Variants in ZFAND3 observed in about 807,000 individuals in gnomAD.
ZFAND3 encodes the protein zinc finger AN1-type containing 3.
Under a neutral mutation model 29.6 loss-of-function variants are expected in ZFAND3, and 10 were observed. That is an observed-to-expected ratio of 0.34 (90% CI 0.21 to 0.57). The LOEUF is 0.57. ZFAND3 is among the 20% of genes least tolerant of loss of function. ZFAND3 has a pLI of 0.86. For synonymous variants in ZFAND3, 128 were observed against 112.6 expected, an observed-to-expected ratio of 1.14 and a Z score of -0.87; for missense variants, 230 against 304.5, an observed-to-expected ratio of 0.76 and a Z score of 1.82.
intron 2 of ZFAND3, among the ~76,000 whole-genome samples, chr6:38,025,126 A>G (rs1288257042): frequency 6.6e-6 from 1 of 152,218 alleles, no homozygotes; most frequent in Non-Finnish European, 1.5e-5. Flanking sequence ...TCCATTCATT[A>G]CATTCCTTTG....
chr6:37,880,685 GTAT>G (rs1024527246), intron 1 of ZFAND3, among the ~76,000 whole-genome samples: 4 of 151,940 alleles, frequency 2.6e-5, no homozygotes, highest in African/African-American at 9.7e-5. Flanking sequence ...ATAATGGAAA[GTAT>G]TTTTTTTTTA....
intron 1 of ZFAND3, among the ~76,000 whole-genome samples, chr6:37,909,276 CTT>C (rs142698620): frequency 1.0e-4 from 14 of 139,890 alleles, no homozygotes; most frequent in African/African-American, 2.7e-4. Context: ...TTCTTTTTTT[CTT>C]TTTTTTTTTT....
At chr6:38,111,525 C>T (rs1427783369) in intron 4 of ZFAND3, among the ~76,000 whole-genome samples, 5 of 152,196 alleles carry the variant, frequency 3.3e-5, no homozygotes, top group Non-Finnish European at 5.9e-5. Context: ...AGACCAGCCC[C>T]CCACTCCTCC....
chr6:37,866,718 T>C (rs1273522507), intron 1 of ZFAND3, among the ~76,000 whole-genome samples: 1 of 152,046 alleles, frequency 6.6e-6, no homozygotes, highest in Non-Finnish European at 1.5e-5. Context: ...TGTAGTGTAT[T>C]ATCCAGTGAC....
intron 2 of ZFAND3, among the ~76,000 whole-genome samples, chr6:37,977,411 C>T (rs929513743): frequency 3.3e-5 from 5 of 152,310 alleles, no homozygotes; most frequent in Admixed American, 6.5e-5. Context: ...AAGTGATTCT[C>T]GTGCGTTAGC....
At position 38,129,945 on chromosome 6, in the gene ZFAND3, C is replaced by G. The variant is rs185755799; in HGVS notation, c.529+13206C>G. Among the ~76,000 whole-genome samples, 6 of 152,200 alleles carry G rather than the reference C, an allele frequency of 3.9e-5. No individual in the cohort carries two copies. In the East Asian group the frequency reaches 1.2e-3, roughly 29 times the overall value. On this transcript the variant is annotated intron_variant, in intron 5 of 5. Transcript: ENST00000287218. ...TTTTCACAATATTGATTCTACCCAT[C>G]CATGAGCATGGGATGTGTTTCCATT...
At chr6:38,124,379 G>A (rs1249467422) in intron 5 of ZFAND3, among the ~76,000 whole-genome samples, 1 of 152,228 alleles carries the variant, frequency 6.6e-6, no homozygotes, top group Non-Finnish European at 1.5e-5. Flanking sequence ...GGAGCAGGGG[G>A]CGGCGCTCCT....
intron 1 of ZFAND3, among the ~76,000 whole-genome samples, chr6:37,913,708 CTTT>C (rs56045448): frequency 1.1e-4 from 12 of 113,024 alleles, no homozygotes; most frequent in African/African-American, 1.3e-4. Context: ...CAGCTATATT[CTTT>C]TTTTTTTTTT....
chr6:38,152,953 T>C lies in ZFAND3; in HGVS notation c.*564T>C. On this transcript the variant is annotated 3_prime_UTR_variant, in exon 6 of 6. Coordinates refer to ENST00000287218, the MANE Select transcript of ZFAND3 (RefSeq NM_021943.3). ...CCTCACTCTCCCACAGAGCTGGAAA[T>C]GGGGGGTGGGGGACAGATTCTTACG... 3.0e-6 allele frequency: 3 copies of C among 985,746 alleles called. No individual in the cohort carries two copies. Among genetic ancestry groups the C allele is most frequent in the Non-Finnish European group, 3.6e-6 (3 of 829,922 alleles). The allele number at this position is 985,746 out of a possible 1,614,324, so 61.1% of individuals were successfully genotyped here.
chr6:38,127,757 C>G (rs1765662605), intron 5 of ZFAND3, among the ~76,000 whole-genome samples: 1 of 151,746 alleles, frequency 6.6e-6, no homozygotes, highest in Non-Finnish European at 1.5e-5. Flanking sequence ...CACCTCAGAT[C>G]ACACCTGTGT....
At chr6:37,952,153 T>C (rs1762009506) in intron 2 of ZFAND3, among the ~76,000 whole-genome samples, 1 of 152,152 alleles carries the variant, frequency 6.6e-6, no homozygotes, top group Non-Finnish European at 1.5e-5. Context: ...GGGATATTGG[T>C]GTGAACTTTC....
At chr6:38,096,966 C>T (rs192683819) in intron 4 of ZFAND3, among the ~76,000 whole-genome samples, 3 of 152,072 alleles carry the variant, frequency 2.0e-5, no homozygotes, top group African/African-American at 4.8e-5. Flanking sequence ...ACCTTGAGAC[C>T]GGGTTTTCTG....
chr6:37,835,955 A>C (rs1232017538), intron 1 of ZFAND3, among the ~76,000 whole-genome samples: 1 of 152,212 alleles, frequency 6.6e-6, no homozygotes, highest in Non-Finnish European at 1.5e-5. Flanking sequence ...ATTATGCTAC[A>C]AAAGTAGCAT....
intron 1 of ZFAND3, among the ~76,000 whole-genome samples, chr6:37,835,378 A>G (rs1763947327): frequency 6.6e-6 from 1 of 151,734 alleles, no homozygotes; most frequent in Admixed American, 6.6e-5. Context: ...GCTGGTCTTG[A>G]ACTCCTGGGC....
chr6:38,072,225 GTTGGTATTTATCACCTAAATTTCCCTC>G (rs1764470279), intron 3 of ZFAND3, among the ~76,000 whole-genome samples: 1 of 151,712 alleles, frequency 6.6e-6, no homozygotes, highest in Admixed American at 6.6e-5. Flanking sequence ...ATTTTTGCTC[GTTGGTATTTATCACCTAAATTTCCCTC>G]TTGAAGATTC....
chr6:38,102,821 A>T (rs1199213699), intron 4 of ZFAND3, among the ~76,000 whole-genome samples: 1 of 152,128 alleles, frequency 6.6e-6, no homozygotes, highest in African/African-American at 2.4e-5. Context: ...CAGTGGCGCG[A>T]TCTCGGCTCA....
At position 38,152,404 on chromosome 6, in the gene ZFAND3, C is replaced by T. The variant is rs139051222; in HGVS notation, c.*15C>T. 4.7e-5 allele frequency: 74 copies of T among 1,560,322 alleles called. No individual in the cohort carries two copies. The African/African-American group carries it at 7.4e-4, about 16-fold the overall frequency. On this transcript the variant is annotated 3_prime_UTR_variant, in exon 6 of 6. Transcript: ENST00000287218. ...GGTGCTCCTGAAGGCCAGGCATGGC[C>T]ACCACGTGACGCTGTTCTTAGTTCA...
intron 5 of ZFAND3, among the ~76,000 whole-genome samples, chr6:38,137,498 CT>C (rs1765864700): frequency 6.6e-6 from 1 of 152,176 alleles, no homozygotes; most frequent in Non-Finnish European, 1.5e-5. Context: ...TTTATTCATT[CT>C]GTTCATCTTT....
chr6:37,837,431 T>G (rs1021277940), intron 1 of ZFAND3, among the ~76,000 whole-genome samples: 10 of 152,208 alleles, frequency 6.6e-5, no homozygotes, highest in African/African-American at 2.2e-4. Flanking sequence ...TGTTGTTATT[T>G]TAGGGAATTT....
Sources: allele counts gnomAD v4.1 joint callset (sites outside exome capture counted in the v4.1 genomes callset), GRCh38; gene constraint gnomAD v4.1.1; transcripts MANE v1.5; gene names NCBI Gene and HGNC (gene_info 2026-07-23, HGNC 2026-07-21).